MIA2: variants seen among roughly 807,000 people sequenced by gnomAD.
MIA2 encodes melanoma inhibitory activity protein 2.
Under a neutral mutation model 167.8 loss-of-function variants are expected in MIA2, and 127 were observed. The ratio of observed to expected loss-of-function variants is 0.76; its 90% confidence interval spans 0.66 to 0.88. MIA2 has a LOEUF of 0.88. MIA2 is among the 40% of genes least tolerant of loss of function. The pLI, the probability that MIA2 is intolerant of heterozygous loss-of-function variation, is 0.00. For synonymous variants in MIA2, 552 were observed against 541.9 expected, an observed-to-expected ratio of 1.02 and a Z score of -0.26; for missense variants, 1,690 against 1,624.7, an observed-to-expected ratio of 1.04 and a Z score of -0.69.
At chr14:39,294,705 C>T (rs2152837823) in intron 12 of MIA2, among the ~76,000 whole-genome samples, 1 of 152,234 alleles carries the variant, frequency 6.6e-6, no homozygotes, top group African/African-American at 2.4e-5. Context: ...TAGAAAGTTA[C>T]AAGAGGTTTG....
At position 39,325,227 on chromosome 14, in the gene MIA2, C is replaced by CA. The variant is rs1555398226; in HGVS notation, c.3497-1626dup. ...TAACAGAGTGAGTGAGACCTTGTCT[C>CA]AAAAAAAAAAATGTTTTTAAAGCTG... On this transcript the variant is annotated intron_variant, in intron 24 of 28. Transcript: ENST00000640607. Among the ~76,000 whole-genome samples, 412 of 115,766 alleles carry CA rather than the reference C, an allele frequency of 3.6e-3. 2 individuals carry two copies. Among genetic ancestry groups the CA allele is most frequent in the African/African-American group, 9.8e-3 (343 of 34,998 alleles). 75.9% of individuals were successfully genotyped at this position (115,766 alleles called of 152,430 possible). A position where few individuals can be genotyped will look rare whatever the true frequency, so the allele number is the denominator to read the frequency against.
intron 6 of MIA2, chr14:39,269,073 A>ATTTTTT: frequency 1.2e-4 from 43 of 361,518 alleles, no homozygotes; most frequent in Admixed American, 1.9e-4. Context: ...TCACCTGCAC[A>ATTTTTT]GTTTTTTTTT....
chr14:39,270,200 GTT>G lies in MIA2; in HGVS notation c.1888-6716_1888-6715del, dbSNP rs35675093. Among the ~76,000 whole-genome samples the G allele has an allele frequency of 5.3e-3, 468 of 88,016 alleles. 1 individual carries two copies. The highest frequency in any genetic ancestry group is 0.013 in the African/African-American group (280 of 22,370). The allele number at this position is 88,016 out of a possible 152,430, so 57.7% of individuals were successfully genotyped here. A position where few individuals can be genotyped will look rare whatever the true frequency, so the allele number is the denominator to read the frequency against. ...GTGAGTGGTATTTCACTCTGTTGTG[GTT>G]TTTTTTTTTTTTTTTTTGAGACTGA... On this transcript the variant is annotated intron_variant, in intron 6 of 28. Transcript: ENST00000640607.
At chr14:39,369,166 A>G (rs965663422) in intron 23 of MIA2, among the ~76,000 whole-genome samples, 2 of 152,028 alleles carry the variant, frequency 1.3e-5, no homozygotes, top group Admixed American at 1.3e-4. Context: ...TCTTGTGGGT[A>G]GGGCTTGGGG....
chr14:39,338,191 A>C (rs2070890006), intron 25 of MIA2, among the ~76,000 whole-genome samples: 1 of 152,196 alleles, frequency 6.6e-6, no homozygotes, highest in Non-Finnish European at 1.5e-5. Context: ...TAGTGATTAC[A>C]TAAATCTACA....
intron 9 of MIA2, among the ~76,000 whole-genome samples, chr14:39,282,113 G>A (rs999425880): frequency 1.3e-5 from 2 of 152,070 alleles, no homozygotes; most frequent in Non-Finnish European, 2.9e-5. Context: ...TATATGAAGT[G>A]TCAGTGATAA....
At chr14:39,378,182 T>A (rs189661047) in intron 23 of MIA2, among the ~76,000 whole-genome samples, 2 of 152,376 alleles carry the variant, frequency 1.3e-5, no homozygotes, top group East Asian at 3.9e-4. Context: ...GAGTATATGT[T>A]ACTGAATTGT....
intron 9 of MIA2, among the ~76,000 whole-genome samples, chr14:39,283,243 G>A (rs1025054858): frequency 9.9e-5 from 15 of 151,990 alleles, no homozygotes; most frequent in African/African-American, 2.9e-4. Context: ...CATTTTTTTC[G>A]GATAAATATC....
At chr14:39,374,912 G>T (rs1464989693) in intron 23 of MIA2, among the ~76,000 whole-genome samples, 1 of 152,212 alleles carries the variant, frequency 6.6e-6, no homozygotes, top group Non-Finnish European at 1.5e-5. Flanking sequence ...ACCTTAGGAA[G>T]CAACTCTTTT....
chr14:39,281,218 C>T (rs185034409), intron 9 of MIA2, among the ~76,000 whole-genome samples: 2 of 151,768 alleles, frequency 1.3e-5, no homozygotes, highest in East Asian at 3.9e-4. Flanking sequence ...AGCCACCGTG[C>T]TCTACCTTTT....
intron 24 of MIA2, among the ~76,000 whole-genome samples, chr14:39,323,664 A>G (rs1419492815): frequency 1.3e-5 from 2 of 152,156 alleles, no homozygotes; most frequent in Non-Finnish European, 2.9e-5. Flanking sequence ...CACATCACAA[A>G]TGAGTAGGAG....
chr14:39,277,158 A>G lies in MIA2; in HGVS notation c.2019+93A>G, dbSNP rs1290781953. On this transcript the variant is annotated intron_variant, in intron 7 of 28. Coordinates refer to ENST00000640607, the MANE Select transcript of MIA2 (RefSeq NM_001329214.4). ...ACATATTTGTTATTTTAAGTAAACA[A>G]GTTAGAAACTACATAGGGATTCAGA... 8.9e-6 allele frequency: 13 copies of G among 1,459,726 alleles called. No individual in the cohort carries two copies. In the African/African-American group the frequency reaches 1.7e-4, roughly 19 times the overall value. 90.4% of individuals were successfully genotyped at this position (1,459,726 alleles called of 1,614,324 possible). A position where few individuals can be genotyped will look rare whatever the true frequency, so the allele number is the denominator to read the frequency against.
chr14:39,319,317 T>C, intron 23 of MIA2, 26 bp downstream of exon 23: 1 of 1,276,316 alleles, frequency 7.8e-7, no homozygotes. Flanking sequence ...TTACCCCTCA[T>C]TTAAAATACA....
intron 23 of MIA2, among the ~76,000 whole-genome samples, chr14:39,358,454 C>G (rs1422215796): frequency 6.6e-6 from 1 of 152,132 alleles, no homozygotes; most frequent in East Asian, 1.9e-4. Flanking sequence ...CGCCATTTGT[C>G]TAATCTTTTT....
intron 6 of MIA2, among the ~76,000 whole-genome samples, chr14:39,269,627 C>A (rs1383060859): frequency 6.6e-6 from 1 of 151,942 alleles, no homozygotes; most frequent in African/African-American, 2.4e-5. Context: ...TCAGGTGATC[C>A]TCCCACCTCA....
intron 4 of MIA2, among the ~76,000 whole-genome samples, chr14:39,248,987 A>G (rs755060989): frequency 5.3e-5 from 8 of 151,904 alleles, no homozygotes; most frequent in Admixed American, 2.6e-4. Flanking sequence ...GATCTGCCCC[A>G]CTCAGCCGCC....
At chr14:39,358,806 C>T (rs2074600468) in intron 23 of MIA2, among the ~76,000 whole-genome samples, 1 of 152,172 alleles carries the variant, frequency 6.6e-6, no homozygotes, top group African/African-American at 2.4e-5. Context: ...TTGGAATTTG[C>T]TGGAGGTCCA....
intron 6 of MIA2, among the ~76,000 whole-genome samples, chr14:39,274,431 CTTTTTT>C (rs547198743): frequency 1.5e-5 from 2 of 136,986 alleles, no homozygotes; most frequent in Admixed American, 7.3e-5. Flanking sequence ...TTCTTTTTTT[CTTTTTT>C]TTTTTTTTTG....
intron 23 of MIA2, among the ~76,000 whole-genome samples, chr14:39,384,967 C>T (rs1362271753): frequency 1.3e-5 from 2 of 152,134 alleles, no homozygotes; most frequent in Non-Finnish European, 1.5e-5. Context: ...ATGAGATGCT[C>T]CATTTAATGG....
Sources: allele counts gnomAD v4.1 joint callset (sites outside exome capture counted in the v4.1 genomes callset), GRCh38; gene constraint gnomAD v4.1.1; transcripts MANE v1.5; gene names NCBI Gene and HGNC (gene_info 2026-07-23, HGNC 2026-07-21).